The following DSG1 variants were observed in gnomAD, a reference collection of about 807,000 sequenced individuals.
DSG1 encodes the protein desmoglein-1.
DSG1 carries 39 observed loss-of-function variants against 97.5 expected under a neutral mutation model. The observed-to-expected ratio is 0.40, with a 90% CI of 0.31 to 0.52. The LOEUF is 0.52. DSG1 is among the 20% of genes least tolerant of loss of function. DSG1 has a pLI of 0.53. For missense variants in DSG1, 1,311 were observed against 1,295.4 expected (o/e 1.01, Z -0.18); for synonymous variants, 475 against 443.4 (o/e 1.07, Z -0.90).
At chr18:31,352,898 C>A (rs1487939534) in intron 14 of DSG1, among the ~76,000 whole-genome samples, 1 of 118,306 alleles carries the variant, frequency 8.5e-6, no homozygotes, top group African/African-American at 3.1e-5. Flanking sequence ...TTTTCAACTT[C>A]TTTGCCTTTG....
rs2071900705 is a variant in DSG1, at chr18:31,351,939, T to A, written c.2101-2358T>A. On this transcript the variant is annotated intron_variant, in intron 14 of 14. Transcript: ENST00000257192. ...TCTTTATCCAATTTGCCAGTCTGTG[T>A]CTTTTAATTGGAGCATTTAGTCCAT... 9.2e-5 allele frequency among the ~76,000 whole-genome samples: 14 copies of A among 151,766 alleles called. No individual in the cohort carries two copies. The South Asian group carries it at 2.7e-3, about 29-fold the overall frequency.
At position 31,358,736 on chromosome 18, in the gene DSG1, C is replaced by T. The variant is rs2071978864; in HGVS notation, c.*3390C>T. ...CTTTTAAAAGTATTTGCCACATTTT[C>T]CCATGCCTATTTCATAAATTCCAAC... is the stretch of plus-strand genomic sequence containing the variant. On this transcript the variant is annotated 3_prime_UTR_variant, in exon 15 of 15. Transcript: ENST00000257192. 2.0e-5 allele frequency among the ~76,000 whole-genome samples: 3 copies of T among 152,144 alleles called. No individual in the cohort carries two copies. Among genetic ancestry groups the T allele is most frequent in the African/African-American group, 7.2e-5 (3 of 41,558 alleles).
chr18:31,320,066 G>GT (rs1198532192), intron 1 of DSG1, among the ~76,000 whole-genome samples: 1 of 151,908 alleles, frequency 6.6e-6, no homozygotes, highest in Non-Finnish European at 1.5e-5. Flanking sequence ...GACATCATAG[G>GT]TTTTTTTGGA....
At chr18:31,347,941 C>G (rs1425313558) in intron 14 of DSG1, 1 of 152,130 alleles carries the variant, frequency 6.6e-6, no homozygotes, top group African/African-American at 2.4e-5. Flanking sequence ...ATACCTCCCT[C>G]TAACTTTGTT....
intron 5 of DSG1, among the ~76,000 whole-genome samples, chr18:31,330,451 C>A (rs1175217533): frequency 7.9e-5 from 12 of 152,062 alleles, no homozygotes; most frequent in Non-Finnish European, 1.3e-4. Flanking sequence ...CACTTCCACA[C>A]AAAACTTCTT....
chr18:31,339,507 AG>A (rs2071775020), intron 10 of DSG1, among the ~76,000 whole-genome samples: 1 of 152,030 alleles, frequency 6.6e-6, no homozygotes, highest in Non-Finnish European at 1.5e-5. Flanking sequence ...GGTAATGTAA[AG>A]AAATAATCCA....
Position 31,322,448 on chromosome 18 carries a change from T to A in DSG1, c.48+4100T>A, listed in dbSNP as rs185405494. Reference sequence around the variant, plus strand: ...TTTACATTTCACCTGAGACTTACTATAATATTTTCAGGCCTTTAAAAGTCT... The same window carrying A: ...TTTACATTTCACCTGAGACTTACTAAAATATTTTCAGGCCTTTAAAAGTCT... On this transcript the variant is annotated intron_variant, in intron 1 of 14. Coordinates refer to ENST00000257192, the MANE Select transcript of DSG1 (RefSeq NM_001942.4). Among the ~76,000 whole-genome samples, 106 of 152,338 alleles carry A rather than the reference T, an allele frequency of 7.0e-4. 1 individual carries two copies. The highest frequency in any genetic ancestry group is 6.8e-3 in the Middle Eastern group (2 of 294).
Position 31,318,259 on chromosome 18 carries a change from A to G in DSG1, c.-42A>G, listed in dbSNP as rs1328349459. ...AAAGAAAAAGAACAGAGAAGAACAA[A>G]CAAAACTCCCTTGGTCTTGGATGTA... is the stretch of plus-strand genomic sequence containing the variant. On this transcript the variant is annotated 5_prime_UTR_variant, in exon 1 of 15. Coordinates refer to ENST00000257192, the MANE Select transcript of DSG1 (RefSeq NM_001942.4). The G allele has an allele frequency of 1.3e-6, 2 of 1,577,762 alleles. No homozygotes were observed. Among genetic ancestry groups the G allele is most frequent in the Non-Finnish European group, 1.7e-6 (2 of 1,146,856 alleles).
intron 12 of DSG1, 71 bp downstream of exon 12, chr18:31,343,654 G>A: frequency 6.2e-7 from 1 of 1,603,858 alleles, no homozygotes; most frequent in Non-Finnish European, 8.5e-7. Context: ...GAACCAAGAT[G>A]GCCGCCATCA....
chr18:31,327,208 C>T (rs1182668841), intron 3 of DSG1, among the ~76,000 whole-genome samples: 2 of 151,996 alleles, frequency 1.3e-5, no homozygotes, highest in African/African-American at 4.8e-5. Flanking sequence ...CAAACGTTGA[C>T]TCACCTCATT....
In DSG1 at chr18:31,331,887, T is replaced by C; in HGVS notation, c.684+20T>C. ...AGAGAGGTAATTCTTTTTCTTTAAG[T>C]GGGTTTTTGGTCTCAAAGGAACTGA... On this transcript the variant is annotated intron_variant, in intron 6 of 14. Transcript: ENST00000257192. 4.4e-6 allele frequency: 7 copies of C among 1,608,402 alleles called. No individual in the cohort carries two copies. The highest frequency in any genetic ancestry group is 5.9e-6 in the Non-Finnish European group (7 of 1,176,728).
Position 31,355,334 on chromosome 18 carries a change from A to T in DSG1, c.3138A>T (p.Gln1046His). The T allele has an allele frequency of 6.2e-7, 1 of 1,614,154 alleles. No homozygotes were observed. Among genetic ancestry groups the T allele is most frequent in the African/African-American group, 1.3e-5 (1 of 75,054 alleles). Residue 1046 changes from glutamine to histidine, a missense_variant, in exon 15 of 15, where the codon CAA becomes CAT. Physicochemically the swap from Gln to His is conservative, Grantham distance 24 (BLOSUM62 0). Around this residue, in one of 3 missense-constraint regions of DSG1, gnomAD observed 1,038 missense variants for 964.6 expected, o/e 1.08. Transcript: ENST00000257192. ...RSRITKYSTV[Q>H]YSK The stretch of plus-strand genomic sequence containing the variant: ...GAATCACAAAGTATAGTACCGTGCA[A>T]TATAGCAAGTAGTCAGGACCCCAGC...
At chr18:31,333,994 A>T in intron 7 of DSG1, 23 bp from the exon 8 acceptor site, 1 of 1,541,302 alleles carries the variant, frequency 6.5e-7, no homozygotes, top group Non-Finnish European at 9.0e-7. Flanking sequence ...GTTTGTGCTA[A>T]GAGTTTTCAC....
At chr18:31,323,745 C>G (rs1325309080) in intron 1 of DSG1, among the ~76,000 whole-genome samples, 21 of 152,130 alleles carry the variant, frequency 1.4e-4, no homozygotes, top group Admixed American at 1.4e-3. Flanking sequence ...TTCCTAATCC[C>G]TTGCTGTCAA....
rs937612582 is a variant in DSG1, at chr18:31,356,791, T to G, written c.*1445T>G. 2 of 152,162 alleles carry G rather than the reference T, an allele frequency of 1.3e-5. No individual in the cohort carries two copies. Among genetic ancestry groups the G allele is most frequent in the African/African-American group, 4.8e-5 (2 of 41,452 alleles). 9.4% of individuals were successfully genotyped at this position (152,162 alleles called of 1,614,324 possible). ...AGTGTCCAAATTATATAGTATAACA[T>G]ATTTTTCTAGTTTCAAAATTTAGTA... On this transcript the variant is annotated 3_prime_UTR_variant, in exon 15 of 15. Transcript: ENST00000257192.
Position 31,356,008 on chromosome 18 carries a change from C to G in DSG1, c.*662C>G, listed in dbSNP as rs1255202621. ...TAAACTAGCAATGCCTGAGCCTGAACCTTAATGTGGGGCCTCAGTTAAATC... is the reference window on the plus strand; with the variant it reads ...TAAACTAGCAATGCCTGAGCCTGAAGCTTAATGTGGGGCCTCAGTTAAATC... On this transcript the variant is annotated 3_prime_UTR_variant, in exon 15 of 15. Coordinates refer to ENST00000257192, the MANE Select transcript of DSG1 (RefSeq NM_001942.4). 6.5e-6 allele frequency: 1 copy of G among 152,806 alleles called. No individual in the cohort carries two copies. The highest frequency in any genetic ancestry group is 2.4e-5 in the African/African-American group (1 of 41,418). The allele number at this position is 152,806 out of a possible 1,614,324, so 9.5% of individuals were successfully genotyped here.
In DSG1 at chr18:31,343,911, T is replaced by A. The variant is rs1454529426; in HGVS notation, c.1822-15T>A. 6.2e-7 allele frequency: 1 copy of A among 1,602,326 alleles called. No homozygotes were observed. Among genetic ancestry groups the A allele is most frequent in the Non-Finnish European group, 8.5e-7 (1 of 1,169,628 alleles). On this transcript the variant is annotated splice_polypyrimidine_tract_variant and intron_variant, in intron 12 of 14. Transcript: ENST00000257192. ...TTGGTCACTACAAATGGAAATGTTG[T>A]TTCCTGTCTTTTAGGATATAACCAC...
chr18:31,356,469 A>G lies in DSG1; in HGVS notation c.*1123A>G, dbSNP rs1322726089. 6.6e-6 allele frequency: 1 copy of G among 152,128 alleles called. No individual in the cohort carries two copies. Among genetic ancestry groups the G allele is most frequent in the Non-Finnish European group, 1.5e-5 (1 of 68,018 alleles). 9.4% of individuals were successfully genotyped at this position (152,128 alleles called of 1,614,324 possible). ...CTAAAAAAATGTTTTTAGAACATGTAAAATGTTTAATGGTGAAAGTTGGAA... is the reference window on the plus strand; with the variant it reads ...CTAAAAAAATGTTTTTAGAACATGTGAAATGTTTAATGGTGAAAGTTGGAA... On this transcript the variant is annotated 3_prime_UTR_variant, in exon 15 of 15. Coordinates refer to ENST00000257192, the MANE Select transcript of DSG1 (RefSeq NM_001942.4).
At chr18:31,340,553 CA>C (rs202063226) in intron 11 of DSG1, among the ~76,000 whole-genome samples, 1,215 of 93,094 alleles carry the variant, frequency 0.013, 12 homozygotes, top group African/African-American at 0.037. Context: ...GGTTCAGTCT[CA>C]AAAAAAAAAA....
Sources: gnomAD v4.1 joint callset for allele counts (sites outside exome capture counted in the v4.1 genomes callset) on GRCh38, gnomAD v4.1.1 for gene constraint, gnomAD v4.1.1 regional missense constraint, MANE v1.5 for transcripts, NCBI Gene and HGNC (gene_info 2026-07-23, HGNC 2026-07-21) for gene names.